Variants in TFCP2L1 observed in about 807,000 individuals in gnomAD.
TFCP2L1 encodes the protein transcription factor CP2 like 1, also known as transcription factor CP2-like protein 1.
TFCP2L1 carries 12 observed loss-of-function variants against 72.2 expected under a neutral mutation model. The observed-to-expected ratio is 0.17, with a 90% CI of 0.11 to 0.27. The LOEUF (loss-of-function observed/expected upper bound fraction) is 0.27. Among genes scored for constraint, TFCP2L1 ranks in the 10% least tolerant of loss-of-function variants. The pLI is 1.00. For missense variants in TFCP2L1, 488 were observed against 624.6 expected, an observed-to-expected ratio of 0.78 and a Z score of 2.33; for synonymous variants, 260 against 251.0, an observed-to-expected ratio of 1.04 and a Z score of -0.34.
At chr2:121,274,898 C>T (rs1407472431) in intron 2 of TFCP2L1, among the ~76,000 whole-genome samples, 2 of 151,836 alleles carry the variant, frequency 1.3e-5, no homozygotes, top group East Asian at 1.9e-4. Flanking sequence ...CATGATTATG[C>T]CACTGCATTC....
intron 2 of TFCP2L1, among the ~76,000 whole-genome samples, chr2:121,280,571 A>G (rs1255521799): frequency 6.6e-6 from 1 of 152,112 alleles, no homozygotes; most frequent in Non-Finnish European, 1.5e-5. Flanking sequence ...CAGCCTGGGC[A>G]ACATAGTGAG....
chr2:121,253,192 G>C (rs1188123172), intron 2 of TFCP2L1, among the ~76,000 whole-genome samples: 1 of 152,170 alleles, frequency 6.6e-6, no homozygotes, highest in Non-Finnish European at 1.5e-5. Context: ...CCATTAGGAA[G>C]GTCTCTGGTC....
At chr2:121,254,927 T>C (rs1266519582) in intron 2 of TFCP2L1, among the ~76,000 whole-genome samples, 1 of 152,062 alleles carries the variant, frequency 6.6e-6, no homozygotes, top group East Asian at 1.9e-4. Flanking sequence ...CAAAGCCCAC[T>C]CAAGTAGTCA....
At chr2:121,244,471 T>C (rs1469851301) in intron 6 of TFCP2L1, among the ~76,000 whole-genome samples, 3 of 152,126 alleles carry the variant, frequency 2.0e-5, no homozygotes, top group Non-Finnish European at 4.4e-5. Context: ...GGAGCCAGTT[T>C]TGGGTGACTA....
chr2:121,256,264 T>C (rs1686718153), intron 2 of TFCP2L1, among the ~76,000 whole-genome samples: 1 of 151,996 alleles, frequency 6.6e-6, no homozygotes, highest in Admixed American at 6.5e-5. Flanking sequence ...TGCCATACTC[T>C]GAACATACTG....
At chr2:121,257,143 G>A (rs1686743547) in intron 2 of TFCP2L1, among the ~76,000 whole-genome samples, 1 of 152,174 alleles carries the variant, frequency 6.6e-6, no homozygotes, top group Non-Finnish European at 1.5e-5. Flanking sequence ...ATGAAAACTT[G>A]TGAGCAAGTA....
intron 2 of TFCP2L1, among the ~76,000 whole-genome samples, chr2:121,254,076 G>A (rs919857749): frequency 2.0e-5 from 3 of 152,224 alleles, no homozygotes; most frequent in South Asian, 2.1e-4. Flanking sequence ...ACTGCTGGGC[G>A]TGGGTGGAAG....
intron 6 of TFCP2L1, 129 bp from the exon 7 acceptor site, chr2:121,242,598 T>G (rs1686400152): frequency 1.3e-6 from 1 of 797,028 alleles, no homozygotes; most frequent in East Asian, 2.5e-5. Context: ...GGACAGCACC[T>G]ATCTCCCCTC....
At chr2:121,257,734 A>G (rs1160411656) in intron 2 of TFCP2L1, among the ~76,000 whole-genome samples, 2 of 152,176 alleles carry the variant, frequency 1.3e-5, no homozygotes, top group East Asian at 3.9e-4. Context: ...GCGGTCACAC[A>G]CCACACAGGA....
chr2:121,260,913 C>T (rs1229255140), intron 2 of TFCP2L1, among the ~76,000 whole-genome samples: 4 of 152,204 alleles, frequency 2.6e-5, no homozygotes, highest in African/African-American at 9.7e-5. Flanking sequence ...CCTACAGTTA[C>T]TGGTTTGGGT....
chr2:121,239,442 G>A (rs1686317238), intron 8 of TFCP2L1, 116 bp downstream of exon 8: 9 of 1,139,164 alleles, frequency 7.9e-6, no homozygotes, highest in Admixed American at 1.9e-5. Context: ...TGCAACACGA[G>A]TTAGCTACCC....
At chr2:121,268,217 A>G (rs1686971725) in intron 2 of TFCP2L1, among the ~76,000 whole-genome samples, 2 of 152,274 alleles carry the variant, frequency 1.3e-5, no homozygotes, top group Non-Finnish European at 2.9e-5. Flanking sequence ...CACAAATTTC[A>G]CATTTTGGAA....
At chr2:121,244,488 C>T (rs771808643) in intron 6 of TFCP2L1, among the ~76,000 whole-genome samples, 3 of 152,210 alleles carry the variant, frequency 2.0e-5, no homozygotes, top group Non-Finnish European at 1.5e-5. Context: ...ACTAGGGGCC[C>T]TGCCACCCCT....
intron 2 of TFCP2L1, among the ~76,000 whole-genome samples, chr2:121,279,852 A>G (rs1223395830): frequency 2.0e-5 from 3 of 152,188 alleles, no homozygotes; most frequent in Admixed American, 1.3e-4. Context: ...GGTAGAGCAG[A>G]CACACAGTCC....
In TFCP2L1 at chr2:121,246,227, G is replaced by A. The variant is rs188324216; in HGVS notation, c.657+591C>T. On this transcript the variant is annotated intron_variant, in intron 6 of 14. Transcript: ENST00000263707. ...ACACAGGACACTGAGCTCTATCGTT[G>A]GCTACTATCTTCAGGAAATAATCAG... is the stretch of plus-strand genomic sequence containing the variant. Among the ~76,000 whole-genome samples, 260 of 152,324 alleles carry A rather than the reference G, an allele frequency of 1.7e-3. No individual in the cohort carries two copies. The Middle Eastern group carries it at 0.02, about 12-fold the overall frequency.
chr2:121,233,475 A>G (rs1179936642), intron 12 of TFCP2L1, among the ~76,000 whole-genome samples: 1 of 152,088 alleles, frequency 6.6e-6, no homozygotes, highest in Non-Finnish European at 1.5e-5. Context: ...TACTTTTTCA[A>G]TATTTAGAGA....
At chr2:121,239,319 C>T (rs1573366075) in intron 8 of TFCP2L1, among the ~76,000 whole-genome samples, 1 of 152,218 alleles carries the variant, frequency 6.6e-6, no homozygotes, top group Non-Finnish European at 1.5e-5. Flanking sequence ...CATGCACCCT[C>T]AAGCCAGTCC....
At chr2:121,233,453 C>T (rs1408375493) in intron 12 of TFCP2L1, among the ~76,000 whole-genome samples, 4 of 152,182 alleles carry the variant, frequency 2.6e-5, no homozygotes, top group Non-Finnish European at 4.4e-5. Flanking sequence ...GCATGAGCCA[C>T]GGCGCCCAGC....
At chr2:121,268,614 G>GT (rs1207627124) in intron 2 of TFCP2L1, among the ~76,000 whole-genome samples, 1 of 151,910 alleles carries the variant, frequency 6.6e-6, no homozygotes, top group East Asian at 1.9e-4. Context: ...CTATACTGAG[G>GT]TAAGTGTTAT....
Sources: gnomAD v4.1 joint callset for allele counts (sites outside exome capture counted in the v4.1 genomes callset) on GRCh38, gnomAD v4.1.1 for gene constraint, MANE v1.5 for transcripts, NCBI Gene and HGNC (gene_info 2026-07-23, HGNC 2026-07-21) for gene names.